Variants in MCTP1 observed in about 807,000 individuals in gnomAD.
The protein encoded by MCTP1 is multiple C2 and transmembrane domain containing 1, also known as multiple C2 and transmembrane domain-containing protein 1.
Under a neutral mutation model 120.6 loss-of-function variants are expected in MCTP1, and 69 were observed. That is an observed-to-expected ratio of 0.57 (90% CI 0.47 to 0.70). MCTP1 has a LOEUF of 0.70. MCTP1 is among the 30% of genes least tolerant of loss of function. The probability of loss-of-function intolerance (pLI) is 0.00; values close to 1 mark genes in which losing one functional copy is unlikely to be tolerated. For missense variants in MCTP1, 1,203 were observed against 1,248.8 expected, an observed-to-expected ratio of 0.96 and a Z score of 0.55; for synonymous variants, 529 against 493.1, an observed-to-expected ratio of 1.07 and a Z score of -0.96.
intron 5 of MCTP1, among the ~76,000 whole-genome samples, chr5:94,932,908 G>T (rs567202652): frequency 2.6e-5 from 4 of 151,948 alleles, no homozygotes; most frequent in Non-Finnish European, 5.9e-5. Context: ...CCATAAAAAA[G>T]AACCATGTCA....
intron 1 of MCTP1, among the ~76,000 whole-genome samples, chr5:95,034,468 T>C (rs1341277722): frequency 6.6e-6 from 1 of 151,594 alleles, no homozygotes; most frequent in African/African-American, 2.4e-5. Context: ...AAATAAGCAA[T>C]GGGGAAAGAA....
intron 17 of MCTP1, among the ~76,000 whole-genome samples, chr5:94,847,682 G>GTATATATATA (rs373174876): frequency 2.0e-5 from 2 of 102,378 alleles, no homozygotes; most frequent in African/African-American, 7.7e-5. Flanking sequence ...GTGTGTGTGT[G>GTATATATATA]TATATATATA....
chr5:94,945,964 G>A (rs293033), intron 3 of MCTP1, among the ~76,000 whole-genome samples: 46,026 of 152,060 alleles, frequency 0.3, 7,125 homozygotes, highest in East Asian at 0.5. Flanking sequence ...GGCTTAGGCC[G>A]TGGGGCCTAC....
chr5:95,186,419 G>C, intron 1 of MCTP1, among the ~76,000 whole-genome samples: 1 of 152,022 alleles, frequency 6.6e-6, no homozygotes, highest in East Asian at 1.9e-4. Flanking sequence ...ATACTATTTA[G>C]AATCACTTCA....
chr5:95,173,296 A>C (rs1000117833), intron 1 of MCTP1, among the ~76,000 whole-genome samples: 2 of 152,218 alleles, frequency 1.3e-5, no homozygotes, highest in Non-Finnish European at 2.9e-5. Flanking sequence ...TCCTCTATTC[A>C]AATTGCAAGA....
At chr5:95,057,199 T>TA (rs990834477) in intron 1 of MCTP1, among the ~76,000 whole-genome samples, 5 of 152,074 alleles carry the variant, frequency 3.3e-5, no homozygotes, top group Admixed American at 6.6e-5. Context: ...TTCTGTACTT[T>TA]AAAAAAATCA....
At chr5:95,041,311 GA>G (rs58379749) in intron 1 of MCTP1, among the ~76,000 whole-genome samples, 19,007 of 90,066 alleles carry the variant, frequency 0.21, 794 homozygotes, top group East Asian at 0.36. Flanking sequence ...CCCATGCTCT[GA>G]AAAAAAAAAA....
rs1815651559 is a variant in MCTP1, at chr5:94,934,507, TAA to T, written c.1174-2518_1174-2517del. Among the ~76,000 whole-genome samples, 3 of 151,806 alleles carry T rather than the reference TAA, an allele frequency of 2.0e-5. No homozygotes were observed. The South Asian group carries it at 6.2e-4, about 31-fold the overall frequency. ...ATAGAGCTGCAGAAGTAATTGTTTTTAAAAGACTCCACGATCTCAATCCATTT... is the reference window on the plus strand; with the variant it reads ...ATAGAGCTGCAGAAGTAATTGTTTTTAAGACTCCACGATCTCAATCCATTT... On this transcript the variant is annotated intron_variant, in intron 5 of 22. Coordinates refer to ENST00000515393, the MANE Select transcript of MCTP1 (RefSeq NM_024717.7).
At chr5:95,252,257 C>T (rs187951339) in intron 1 of MCTP1, among the ~76,000 whole-genome samples, 3 of 152,182 alleles carry the variant, frequency 2.0e-5, no homozygotes, top group African/African-American at 4.8e-5. Flanking sequence ...ATTAACTTCT[C>T]CTATCTCTAT....
intron 1 of MCTP1, among the ~76,000 whole-genome samples, chr5:95,146,454 C>T (rs1184184893): frequency 1.3e-5 from 2 of 152,066 alleles, no homozygotes; most frequent in Non-Finnish European, 2.9e-5. Context: ...TTCTCCTCTA[C>T]TTCCTGTAAG....
intron 1 of MCTP1, among the ~76,000 whole-genome samples, chr5:95,263,910 C>A (rs923911220): frequency 6.6e-6 from 1 of 152,200 alleles, no homozygotes; most frequent in Non-Finnish European, 1.5e-5. Context: ...CACCCAGGGG[C>A]AGGCAACTCT....
chr5:94,928,339 C>A (rs1196888192), intron 6 of MCTP1, among the ~76,000 whole-genome samples: 1 of 152,104 alleles, frequency 6.6e-6, no homozygotes, highest in East Asian at 1.9e-4. Flanking sequence ...AATGTATTCA[C>A]AAAATACACA....
intron 18 of MCTP1, among the ~76,000 whole-genome samples, chr5:94,786,535 T>G (rs575962178): frequency 6.6e-6 from 1 of 152,152 alleles, no homozygotes; most frequent in Non-Finnish European, 1.5e-5. Flanking sequence ...AAAGCCTGAA[T>G]GAAAAGAATG....
At chr5:95,174,221 C>T (rs251078) in intron 1 of MCTP1, among the ~76,000 whole-genome samples, 3 of 151,890 alleles carry the variant, frequency 2.0e-5, no homozygotes, top group African/African-American at 4.8e-5. Flanking sequence ...CAAAAGAGGA[C>T]GAAAATAAAC....
At chr5:94,981,647 C>G (rs530144213) in intron 2 of MCTP1, among the ~76,000 whole-genome samples, 1 of 152,060 alleles carries the variant, frequency 6.6e-6, no homozygotes, top group Non-Finnish European at 1.5e-5. Flanking sequence ...TGGGTAAAGG[C>G]GTGGTGGTCA....
Position 95,060,942 on chromosome 5 carries a change from A to C in MCTP1, c.721-43458T>G, listed in dbSNP as rs1162511393. Among the ~76,000 whole-genome samples the C allele has an allele frequency of 1.0e-3, 5 of 4,938 alleles. No individual in the cohort carries two copies. In the Non-Finnish European group the frequency reaches 0.017, roughly 17 times the overall value. 3.2% of individuals were successfully genotyped at this position (4,938 alleles called of 152,430 possible). A position where few individuals can be genotyped will look rare whatever the true frequency, so the allele number is the denominator to read the frequency against. On this transcript the variant is annotated intron_variant, in intron 1 of 22. Coordinates refer to ENST00000515393, the MANE Select transcript of MCTP1 (RefSeq NM_024717.7). ...TGGGCAGAGAGCATGCCACTCCACA[A>C]AAAAAAAAAAAAGAAAAGAAAAGAA...
intron 18 of MCTP1, chr5:94,792,092 C>T (rs1779107029): frequency 6.6e-6 from 1 of 152,596 alleles, no homozygotes. Flanking sequence ...GCATAGACAC[C>T]ATGCATCACA....
intron 18 of MCTP1, among the ~76,000 whole-genome samples, chr5:94,789,832 G>T (rs906286515): frequency 1.3e-5 from 2 of 152,084 alleles, no homozygotes; most frequent in Admixed American, 1.3e-4. Flanking sequence ...TACTGTTAGT[G>T]CCTATAAATA....
intron 3 of MCTP1, among the ~76,000 whole-genome samples, chr5:94,950,967 T>G (rs1487269536): frequency 2.1e-5 from 3 of 146,072 alleles, no homozygotes; most frequent in African/African-American, 5.0e-5. Context: ...AAAAAAATGA[T>G]TTTGTGTAAA....
Sources: allele counts gnomAD v4.1 joint callset (sites outside exome capture counted in the v4.1 genomes callset), GRCh38; gene constraint gnomAD v4.1.1; transcripts MANE v1.5; gene names NCBI Gene and HGNC (gene_info 2026-07-23, HGNC 2026-07-21).